SND1: variants seen among roughly 807,000 people sequenced by gnomAD.
The protein encoded by SND1 is staphylococcal nuclease domain-containing protein 1.
SND1 carries 38 observed loss-of-function variants against 121.7 expected under a neutral mutation model. The ratio of observed to expected loss-of-function variants is 0.31; its 90% CI spans 0.24 to 0.41. The LOEUF (loss-of-function observed/expected upper bound fraction) is 0.41, where lower values mean the gene tolerates loss of function less well. SND1 is among the 10% of genes least tolerant of loss of function. The pLI is 1.00. For synonymous variants in SND1, 401 were observed against 447.4 expected (o/e 0.90, Z 1.31); for missense variants, 868 against 1,184.6 (o/e 0.73, Z 3.92).
intron 16 of SND1, among the ~76,000 whole-genome samples, chr7:128,000,293 C>G (rs531649394): frequency 1.3e-5 from 2 of 151,902 alleles, no homozygotes; most frequent in African/African-American, 4.8e-5. Flanking sequence ...TACTTGTTTT[C>G]AGAAGAACTT....
chr7:127,960,165 C>T (rs1801698009), intron 15 of SND1, among the ~76,000 whole-genome samples: 1 of 152,182 alleles, frequency 6.6e-6, no homozygotes, highest in South Asian at 2.1e-4. Flanking sequence ...AATATCTAGG[C>T]CAATATTATC....
intron 16 of SND1, among the ~76,000 whole-genome samples, chr7:128,046,357 G>C (rs893097022): frequency 7.3e-6 from 1 of 137,226 alleles, no homozygotes; most frequent in African/African-American, 2.7e-5. Flanking sequence ...TTTTTTGGTT[G>C]TTGTTGTGTT....
intron 10 of SND1, among the ~76,000 whole-genome samples, chr7:127,764,901 A>G (rs1333446729): frequency 6.6e-6 from 1 of 152,226 alleles, no homozygotes; most frequent in African/African-American, 2.4e-5. Context: ...GAAACCAGGC[A>G]GTGGAAGCTA....
intron 9 of SND1, among the ~76,000 whole-genome samples, chr7:127,712,445 C>T (rs1164371762): frequency 6.6e-6 from 1 of 152,140 alleles, no homozygotes; most frequent in Non-Finnish European, 1.5e-5. Context: ...TAGGTGTGAC[C>T]CACCATGCCT....
chr7:127,699,578 A>G (rs541159650), intron 4 of SND1, among the ~76,000 whole-genome samples: 1 of 152,154 alleles, frequency 6.6e-6, no homozygotes, highest in Non-Finnish European at 1.5e-5. Flanking sequence ...AATAGGTAAA[A>G]TGTATTTGTT....
intron 16 of SND1, among the ~76,000 whole-genome samples, chr7:128,019,482 T>C (rs965265762): frequency 1.3e-5 from 2 of 152,234 alleles, no homozygotes; most frequent in African/African-American, 4.8e-5. Context: ...GGGACCGGTC[T>C]CTAGGGGAGC....
At chr7:127,691,281 G>T (rs373809138) in intron 2 of SND1, among the ~76,000 whole-genome samples, 10 of 152,230 alleles carry the variant, frequency 6.6e-5, no homozygotes, top group Admixed American at 2.0e-4. Context: ...AGTGGCTTAT[G>T]CCTGTAATGC....
intron 15 of SND1, among the ~76,000 whole-genome samples, chr7:127,979,550 G>A (rs530696655): frequency 6.6e-6 from 1 of 152,322 alleles, no homozygotes; most frequent in East Asian, 1.9e-4. Flanking sequence ...TAAGAACAGA[G>A]CAGGTGACCA....
At chr7:127,726,248 G>C (rs1415741352) in intron 10 of SND1, among the ~76,000 whole-genome samples, 2 of 152,198 alleles carry the variant, frequency 1.3e-5, no homozygotes. Context: ...TTCCTAGATA[G>C]TGTTATGCGA....
At chr7:128,024,520 C>G (rs539107544) in intron 16 of SND1, among the ~76,000 whole-genome samples, 4 of 152,230 alleles carry the variant, frequency 2.6e-5, no homozygotes, top group Admixed American at 2.6e-4. Context: ...CTCCCAGTCT[C>G]TACCCATTAC....
In SND1 at chr7:128,082,020, C is replaced by G; in HGVS notation, c.2110+519C>G. ...AGTTTCCATGGAAACAGGCAGCGCT[C>G]TAGGGGAAGACATCCCCGGGCAGTC... On this transcript the variant is annotated intron_variant, in intron 18 of 23. Coordinates refer to ENST00000354725, the MANE Select transcript of SND1 (RefSeq NM_014390.4). 7.6e-6 allele frequency: 4 copies of G among 525,888 alleles called. No individual in the cohort carries two copies. In the Admixed American group the frequency reaches 7.8e-5, roughly 10 times the overall value. The allele number at this position is 525,888 out of a possible 1,614,324, so 32.6% of individuals were successfully genotyped here.
chr7:127,696,366 G>A (rs1796007163), intron 3 of SND1, among the ~76,000 whole-genome samples: 1 of 152,142 alleles, frequency 6.6e-6, no homozygotes, highest in African/African-American at 2.4e-5. Context: ...TTATTTGAAT[G>A]AGAAATTATA....
At chr7:127,841,459 C>G (rs893433538) in intron 11 of SND1, among the ~76,000 whole-genome samples, 2 of 152,098 alleles carry the variant, frequency 1.3e-5, no homozygotes, top group African/African-American at 4.8e-5. Context: ...AAAATGGGCC[C>G]TGAGATACTT....
intron 1 of SND1, among the ~76,000 whole-genome samples, chr7:127,657,202 A>G (rs953130228): frequency 2.6e-5 from 4 of 152,232 alleles, no homozygotes; most frequent in Non-Finnish European, 5.9e-5. Context: ...TAAAAAGTAG[A>G]TCAAATTTCT....
At chr7:127,744,983 C>T (rs1441620310) in intron 10 of SND1, among the ~76,000 whole-genome samples, 1 of 152,216 alleles carries the variant, frequency 6.6e-6, no homozygotes, top group African/African-American at 2.4e-5. Flanking sequence ...ACTTCTGTTA[C>T]ATTCATAAAC....
intron 12 of SND1, among the ~76,000 whole-genome samples, chr7:127,857,353 C>T (rs1035375893): frequency 1.2e-4 from 14 of 116,736 alleles, no homozygotes; most frequent in Middle Eastern, 3.8e-3. Flanking sequence ...CCACCGCCCC[C>T]GGCTAATTTT....
chr7:127,850,778 A>G (rs1466298155), intron 12 of SND1, among the ~76,000 whole-genome samples: 3 of 152,180 alleles, frequency 2.0e-5, no homozygotes, highest in Admixed American at 2.0e-4. Flanking sequence ...TGAGTAGTAG[A>G]AGTGTGCCTA....
chr7:127,785,774 A>G (rs1042910466), intron 10 of SND1, among the ~76,000 whole-genome samples: 5 of 152,244 alleles, frequency 3.3e-5, no homozygotes. Context: ...CTGACAGGAT[A>G]GTGTTTAAGG....
At chr7:128,065,207 C>T (rs1429108493) in intron 16 of SND1, among the ~76,000 whole-genome samples, 1 of 152,226 alleles carries the variant, frequency 6.6e-6, no homozygotes, top group Non-Finnish European at 1.5e-5. Flanking sequence ...AGGTTGTGAT[C>T]TGGAGCCAAG....
Sources: gnomAD v4.1 joint callset for allele counts (sites outside exome capture counted in the v4.1 genomes callset) on GRCh38, gnomAD v4.1.1 for gene constraint, MANE v1.5 for transcripts, NCBI Gene and HGNC (gene_info 2026-07-23, HGNC 2026-07-21) for gene names.